The following CHIC2 variants were observed in gnomAD, a reference collection of about 807,000 sequenced individuals.
CHIC2 encodes cysteine rich hydrophobic domain 2.
CHIC2 carries 14 observed loss-of-function variants against 25.9 expected under a neutral mutation model. That is an observed-to-expected ratio of 0.54 (90% confidence interval 0.36 to 0.85). The LOEUF (loss-of-function observed/expected upper bound fraction) is 0.85, where lower values mean the gene tolerates loss of function less well. Among genes scored for constraint, CHIC2 ranks in the 40% least tolerant of loss-of-function variants. CHIC2 has a pLI of 0.01. For synonymous variants in CHIC2, 70 were observed against 72.0 expected (o/e 0.97, Z 0.14); for missense variants, 146 against 202.0 (o/e 0.72, Z 1.68).
the CHIC2 span, among the ~76,000 whole-genome samples, chr4:54,074,577 A>G: frequency 6.8e-6 from 1 of 146,702 alleles, no homozygotes; most frequent in East Asian, 2.0e-4. Flanking sequence ...TCCCACTGCC[A>G]TCTCCACCTA....
At chr4:54,014,524 T>A (rs1198161522) in intron 3 of CHIC2, among the ~76,000 whole-genome samples, 2 of 152,058 alleles carry the variant, frequency 1.3e-5, no homozygotes, top group African/African-American at 4.8e-5. Flanking sequence ...TTTCAGTAAG[T>A]TCCAAAACAA....
At chr4:54,082,447 T>C in the CHIC2 span, among the ~76,000 whole-genome samples, 1 of 152,050 alleles carries the variant, frequency 6.6e-6, no homozygotes, top group African/African-American at 2.4e-5. Context: ...TCAGAAAACA[T>C]CTACGGTCTA....
At chr4:54,085,244 A>G in the CHIC2 span, among the ~76,000 whole-genome samples, 2 of 152,150 alleles carry the variant, frequency 1.3e-5, no homozygotes, top group Non-Finnish European at 2.9e-5. Context: ...TCTGAATTAT[A>G]TTACCTTTTT....
chr4:54,058,874 C>T (rs913015543), intron 1 of CHIC2, among the ~76,000 whole-genome samples: 1 of 151,986 alleles, frequency 6.6e-6, no homozygotes, highest in Non-Finnish European at 1.5e-5. Flanking sequence ...TGATTAGTAT[C>T]ATAATAATTA....
At chr4:54,090,562 T>C in the CHIC2 span, among the ~76,000 whole-genome samples, 2 of 152,134 alleles carry the variant, frequency 1.3e-5, no homozygotes, top group Non-Finnish European at 2.9e-5. Flanking sequence ...CCCACAACAT[T>C]CCATCAGACT....
At chr4:54,051,380 A>AAT (rs1276159633) in intron 1 of CHIC2, among the ~76,000 whole-genome samples, 2 of 151,964 alleles carry the variant, frequency 1.3e-5, no homozygotes, top group South Asian at 4.1e-4. Flanking sequence ...ACCAATAATA[A>AAT]ATATATATAT....
intron 1 of CHIC2, among the ~76,000 whole-genome samples, chr4:54,061,897 T>C (rs1019480598): frequency 2.0e-5 from 3 of 152,312 alleles, no homozygotes; most frequent in South Asian, 4.1e-4. Context: ...AGGTGAATCA[T>C]TGTTATGTTT....
the CHIC2 span, among the ~76,000 whole-genome samples, chr4:54,089,305 A>T: frequency 6.6e-6 from 1 of 152,008 alleles, no homozygotes; most frequent in Non-Finnish European, 1.5e-5. Flanking sequence ...ATCTTTAAAA[A>T]TTTTGGTTTT....
intron 1 of CHIC2, among the ~76,000 whole-genome samples, chr4:54,050,569 G>T (rs1041033312): frequency 6.6e-6 from 1 of 152,020 alleles, no homozygotes; most frequent in Non-Finnish European, 1.5e-5. Flanking sequence ...ACATAACAAC[G>T]TTTCAGTCAG....
chr4:54,019,246 A>G (rs1044369725), intron 3 of CHIC2, among the ~76,000 whole-genome samples: 3 of 151,824 alleles, frequency 2.0e-5, no homozygotes, highest in African/African-American at 4.8e-5. Flanking sequence ...CCAAAAAACA[A>G]AAAAAAACTA....
At chr4:54,057,042 A>G (rs1332514286) in intron 1 of CHIC2, among the ~76,000 whole-genome samples, 1 of 152,208 alleles carries the variant, frequency 6.6e-6, no homozygotes, top group East Asian at 1.9e-4. Context: ...CAGTAAGGGT[A>G]GCCAGTTATT....
chr4:54,086,548 A>T, the CHIC2 span, among the ~76,000 whole-genome samples: 2 of 152,132 alleles, frequency 1.3e-5, no homozygotes, highest in Non-Finnish European at 2.9e-5. Context: ...CAGACGATAA[A>T]CATAAACAGA....
At chr4:54,037,537 A>C (rs554597861) in intron 3 of CHIC2, among the ~76,000 whole-genome samples, 2 of 152,308 alleles carry the variant, frequency 1.3e-5, no homozygotes, top group South Asian at 4.1e-4. Flanking sequence ...CAAGTGTATC[A>C]AAACTCATCA....
chr4:54,080,948 A>G, the CHIC2 span, among the ~76,000 whole-genome samples: 286 of 29,500 alleles, frequency 9.7e-3, no homozygotes, highest in South Asian at 0.02. Context: ...GTGTGTATAT[A>G]TATATATATA....
upstream of CHIC2, chr4:54,064,668 G>A (rs1039391833): frequency 1.6e-5 from 17 of 1,037,464 alleles, no homozygotes; most frequent in Non-Finnish European, 2.0e-5. The surrounding 1 kb of genome is among the most constrained non-coding windows in gnomAD (Gnocchi z 4.2). Flanking sequence ...AGACTTCCCG[G>A]GCCAACGGGC....
chr4:54,057,996 G>A (rs1717224788), intron 1 of CHIC2, among the ~76,000 whole-genome samples: 1 of 152,188 alleles, frequency 6.6e-6, no homozygotes, highest in South Asian at 2.1e-4. Flanking sequence ...GCCATTTAGA[G>A]AAGGTTCTCA....
chr4:54,059,517 G>A (rs527738898), intron 1 of CHIC2: 1 of 151,426 alleles, frequency 6.6e-6, no homozygotes, highest in Non-Finnish European at 1.5e-5. Context: ...CACCAGCTTA[G>A]GTGACAGGGA....
chr4:54,047,492 C>A (rs1380237439), intron 3 of CHIC2, among the ~76,000 whole-genome samples: 1 of 152,010 alleles, frequency 6.6e-6, no homozygotes, highest in African/African-American at 2.4e-5. Flanking sequence ...AGTTCATGTC[C>A]TTTGTAAGGA....
At position 54,044,041 on chromosome 4, in the gene CHIC2, T is replaced by A. The variant is rs569153732; in HGVS notation, c.330+4914A>T. ...AAAACAGACTTTAAACCAACAAAGA[T>A]CAAAAGAGACAAAGAAGGCCATTAC... is the stretch of plus-strand genomic sequence containing the variant. On this transcript the variant is annotated intron_variant, in intron 3 of 5. Coordinates refer to ENST00000263921, the MANE Select transcript of CHIC2 (RefSeq NM_012110.4). Among the ~76,000 whole-genome samples the A allele has an allele frequency of 5.3e-4, 81 of 151,658 alleles. 1 individual carries two copies. Among genetic ancestry groups the A allele is most frequent in the Middle Eastern group, 3.4e-3 (1 of 292 alleles).
Sources: gnomAD v4.1 joint callset for allele counts (sites outside exome capture counted in the v4.1 genomes callset) on GRCh38, gnomAD v4.1.1 for gene constraint, Gnocchi (gnomAD v3.1) non-coding constraint, MANE v1.5 for transcripts, NCBI Gene and HGNC (gene_info 2026-07-23, HGNC 2026-07-21) for gene names.